The following FAM222A variants were observed in gnomAD, a reference collection of about 807,000 sequenced individuals.
FAM222A encodes the protein family with sequence similarity 222 member A, also known as protein FAM222A.
Under a neutral mutation model 25.8 loss-of-function variants are expected in FAM222A, and 7 were observed. The ratio of observed to expected loss-of-function variants is 0.27; its 90% CI spans 0.15 to 0.51. FAM222A has a LOEUF of 0.51. Ranked by LOEUF, FAM222A falls within the 20% of genes least tolerant of loss-of-function variation. The probability of loss-of-function intolerance (pLI) is 0.97; values close to 1 mark genes in which losing one functional copy is unlikely to be tolerated. For missense variants in FAM222A, 573 were observed against 640.5 expected (o/e 0.89, Z 1.14); for synonymous variants, 294 against 298.8 (o/e 0.98, Z 0.17).
chr12:109,738,603 T>G (rs1193029258), intron 1 of FAM222A, among the ~76,000 whole-genome samples: 2 of 152,184 alleles, frequency 1.3e-5, no homozygotes, highest in Non-Finnish European at 2.9e-5. Flanking sequence ...GAAAGGGAAT[T>G]CAGAGTCTGA....
At chr12:109,742,592 ACT>A (rs150221025) in intron 1 of FAM222A, among the ~76,000 whole-genome samples, 73 of 140,994 alleles carry the variant, frequency 5.2e-4, no homozygotes, top group African/African-American at 1.3e-3. Flanking sequence ...TCCATCCTCC[ACT>A]CTCTCTCTCT....
At chr12:109,733,593 G>T (rs561445401) in intron 1 of FAM222A, among the ~76,000 whole-genome samples, 3 of 152,066 alleles carry the variant, frequency 2.0e-5, no homozygotes, top group South Asian at 4.2e-4. Context: ...TTAGTAGAGA[G>T]GGGGTTTCAC....
intron 1 of FAM222A, among the ~76,000 whole-genome samples, chr12:109,724,790 CTAA>C (rs1887811472): frequency 6.6e-6 from 1 of 151,764 alleles, no homozygotes; most frequent in Admixed American, 6.6e-5. Flanking sequence ...GCTTTGTACA[CTAA>C]TGTCTTCCCA....
chr12:109,734,343 A>T (rs1367071579), intron 1 of FAM222A: 1 of 152,066 alleles, frequency 6.6e-6, no homozygotes, highest in Non-Finnish European at 1.5e-5. Context: ...GGGCACAGGG[A>T]CGGGCAGGAA....
At chr12:109,748,478 A>T (rs549475441) in intron 2 of FAM222A, among the ~76,000 whole-genome samples, 92 of 151,420 alleles carry the variant, frequency 6.1e-4, no homozygotes, top group Admixed American at 9.2e-4. Context: ...AGTTTGGTTG[A>T]TCCTCCATGA....
At chr12:109,727,511 C>G (rs1384828717) in intron 1 of FAM222A, among the ~76,000 whole-genome samples, 1 of 152,176 alleles carries the variant, frequency 6.6e-6, no homozygotes, top group East Asian at 1.9e-4. Flanking sequence ...GCCAAGGCAG[C>G]CATTAACCTG....
intron 2 of FAM222A, 104 bp from the exon 3 acceptor site, chr12:109,767,908 T>C (rs1236058347): frequency 8.7e-7 from 1 of 1,150,900 alleles, no homozygotes; most frequent in African/African-American, 1.6e-5. Context: ...GAATAAGGAG[T>C]AAAATGAATG....
At chr12:109,720,405 C>G (rs1336290712) in intron 1 of FAM222A, among the ~76,000 whole-genome samples, 1 of 152,200 alleles carries the variant, frequency 6.6e-6, no homozygotes, top group Non-Finnish European at 1.5e-5. Flanking sequence ...TGCCAGGGCA[C>G]GGGCAGCTGC....
chr12:109,713,852 G>A lies in FAM222A; in HGVS notation c.-1092G>A, dbSNP rs1259499107. ...TCGGGCCAGAGCGGAGCAGCGGGCA[G>A]GACTGCCTGGCCGGCTGCTCCGCGG... On this transcript the variant is annotated 5_prime_UTR_variant, in exon 1 of 3. Transcript: ENST00000538780. 2.0e-5 allele frequency among the ~76,000 whole-genome samples: 3 copies of A among 150,142 alleles called. No individual in the cohort carries two copies. The highest frequency in any genetic ancestry group is 6.6e-5 in the Admixed American group (1 of 15,084).
At chr12:109,735,358 C>T (rs188291594) in intron 1 of FAM222A, among the ~76,000 whole-genome samples, 212 of 152,334 alleles carry the variant, frequency 1.4e-3, no homozygotes, top group African/African-American at 5.0e-3. Flanking sequence ...GGTACAACGC[C>T]AATCATGTCT....
intron 2 of FAM222A, among the ~76,000 whole-genome samples, chr12:109,765,827 C>T (rs1163690455): frequency 6.6e-6 from 1 of 152,230 alleles, no homozygotes; most frequent in East Asian, 1.9e-4. Context: ...GCATGAGTCC[C>T]CTGCCCCTTT....
chr12:109,765,592 T>A (rs1889025841), intron 2 of FAM222A, among the ~76,000 whole-genome samples: 1 of 152,246 alleles, frequency 6.6e-6, no homozygotes, highest in East Asian at 1.9e-4. Flanking sequence ...TTAACCAGGA[T>A]ACAGTTCCTT....
chr12:109,725,504 C>T (rs1482444627), intron 1 of FAM222A, among the ~76,000 whole-genome samples: 6 of 135,510 alleles, frequency 4.4e-5, no homozygotes, highest in Admixed American at 2.7e-4. Flanking sequence ...TGCCAGCAGC[C>T]GGGCCCCGAG....
rs370500276 is a variant in FAM222A at position 109,764,222 on chromosome 12, C to A, written c.83-3790C>A. On this transcript the variant is annotated intron_variant, in intron 2 of 2. Coordinates refer to ENST00000538780, the MANE Select transcript of FAM222A (RefSeq NM_032829.3). ...TCTACCCTGAGTAAGACCCTGTCTT[C>A]AAAAAAAAAAAAAAAGCCATGGCCC... Among the ~76,000 whole-genome samples, 219 of 91,692 alleles carry A rather than the reference C, an allele frequency of 2.4e-3. 3 individuals carry two copies. The highest frequency in any genetic ancestry group is 5.5e-3 in the South Asian group (13 of 2,346). The allele number at this position is 91,692 out of a possible 152,430, so 60.2% of individuals were successfully genotyped here. A position where few individuals can be genotyped will look rare whatever the true frequency, so the allele number is the denominator to read the frequency against.
intron 1 of FAM222A, among the ~76,000 whole-genome samples, chr12:109,733,321 TG>T (rs1455539670): frequency 1.3e-5 from 2 of 152,242 alleles, no homozygotes; most frequent in African/African-American, 4.8e-5. Flanking sequence ...TTGGATCTAT[TG>T]GGTGAAGTAA....
intron 1 of FAM222A, among the ~76,000 whole-genome samples, chr12:109,732,704 G>C (rs1199161112): frequency 6.6e-6 from 1 of 152,236 alleles, no homozygotes; most frequent in African/African-American, 2.4e-5. Flanking sequence ...GGAGGTGTGT[G>C]TGAGAGTGTA....
rs762518703 is a variant in FAM222A, at chr12:109,770,169, G to A, written c.*881G>A. On this transcript the variant is annotated 3_prime_UTR_variant, in exon 3 of 3. Coordinates refer to ENST00000538780, the MANE Select transcript of FAM222A (RefSeq NM_032829.3). ...TAGATCCCATCCTTGCCTTCTTCGA[G>A]GGATCTCTTGGGACCCTCCTGGTTT... is the stretch of plus-strand genomic sequence containing the variant. 8 of 152,460 alleles carry A rather than the reference G, an allele frequency of 5.2e-5. No homozygotes were observed. Among genetic ancestry groups the A allele is most frequent in the Non-Finnish European group, 1.0e-4 (7 of 68,052 alleles). 9.4% of individuals were successfully genotyped at this position (152,460 alleles called of 1,614,324 possible). A position where few individuals can be genotyped will look rare whatever the true frequency, so the allele number is the denominator to read the frequency against.
At chr12:109,752,125 C>T (rs1175226953) in intron 2 of FAM222A, among the ~76,000 whole-genome samples, 1 of 152,244 alleles carries the variant, frequency 6.6e-6, no homozygotes, top group Non-Finnish European at 1.5e-5. Flanking sequence ...CCTGTCAAGA[C>T]TCCCTGCCCT....
chr12:109,720,238 G>A (rs1887723108), intron 1 of FAM222A: 1 of 961,624 alleles, frequency 1.0e-6, no homozygotes, highest in Non-Finnish European at 1.2e-6. Flanking sequence ...ACAAAGGCCT[G>A]GGAGGTCAGG....
Sources: gnomAD v4.1 joint callset for allele counts (sites outside exome capture counted in the v4.1 genomes callset) on GRCh38, gnomAD v4.1.1 for gene constraint, MANE v1.5 for transcripts, NCBI Gene and HGNC (gene_info 2026-07-23, HGNC 2026-07-21) for gene names.